Variants in NYAP2 observed in about 807,000 individuals in gnomAD.
NYAP2 encodes neuronal tyrosine-phosphorylated phosphoinositide-3-kinase adapter 2.
NYAP2 carries 23 observed loss-of-function variants against 50.4 expected under a neutral mutation model. The observed-to-expected ratio is 0.46, with a 90% confidence interval of 0.33 to 0.65. The LOEUF is 0.65. Among genes scored for constraint, NYAP2 ranks in the 30% least tolerant of loss-of-function variants. The probability of loss-of-function intolerance (pLI) is 0.02; values close to 1 mark genes in which losing one functional copy is unlikely to be tolerated. For missense variants in NYAP2, 885 were observed against 861.0 expected, an observed-to-expected ratio of 1.03 and a Z score of -0.35; for synonymous variants, 394 against 365.2, an observed-to-expected ratio of 1.08 and a Z score of -0.90.
At chr2:225,662,836 CA>C in the NYAP2 span, among the ~76,000 whole-genome samples, 1 of 152,182 alleles carries the variant, frequency 6.6e-6, no homozygotes, top group Non-Finnish European at 1.5e-5. Flanking sequence ...GGAAGGAACA[CA>C]ATCTGTACTG....
chr2:225,570,116 G>C (rs1026529154), intron 4 of NYAP2, among the ~76,000 whole-genome samples: 5 of 152,180 alleles, frequency 3.3e-5, no homozygotes, highest in East Asian at 3.9e-4. Context: ...TACTGCCCTG[G>C]AATGCAAATA....
intron 2 of NYAP2, among the ~76,000 whole-genome samples, chr2:225,404,711 A>T (rs1228636519): frequency 6.6e-6 from 1 of 152,012 alleles, no homozygotes; most frequent in East Asian, 1.9e-4. Context: ...AAAAAATAAA[A>T]TAAAGCTGAA....
At chr2:225,525,124 CTG>C (rs1407988741) in intron 4 of NYAP2, among the ~76,000 whole-genome samples, 1 of 152,154 alleles carries the variant, frequency 6.6e-6, no homozygotes, top group East Asian at 1.9e-4. Context: ...ACATTATACA[CTG>C]TCAGTTGGAA....
chr2:225,690,067 CAG>C, the NYAP2 span, among the ~76,000 whole-genome samples: 2 of 152,070 alleles, frequency 1.3e-5, no homozygotes, highest in African/African-American at 4.8e-5. Flanking sequence ...AATTATAGTG[CAG>C]AGTCATGTTC....
At chr2:225,399,830 G>T (rs1197120350) in exon 1 of NYAP2, 1 of 152,054 alleles carries the variant, frequency 6.6e-6, no homozygotes, top group Non-Finnish European at 1.5e-5. Context: ...CATTAGCCAC[G>T]CCAGGGGTGA....
At chr2:225,419,748 A>G (rs555373533) in intron 3 of NYAP2, among the ~76,000 whole-genome samples, 9 of 152,214 alleles carry the variant, frequency 5.9e-5, no homozygotes, top group African/African-American at 2.2e-4. Context: ...CACCATTTTT[A>G]CCTTCATCTT....
At chr2:225,674,483 C>T in the NYAP2 span, among the ~76,000 whole-genome samples, 1 of 152,010 alleles carries the variant, frequency 6.6e-6, no homozygotes, top group Admixed American at 6.6e-5. Context: ...CCCGCTGGGA[C>T]TTTGACTTGT....
intron 5 of NYAP2, among the ~76,000 whole-genome samples, chr2:225,620,059 A>G (rs1693062707): frequency 6.6e-6 from 1 of 152,190 alleles, no homozygotes; most frequent in Admixed American, 6.5e-5. Context: ...AAAATAACTC[A>G]GATTCCACAT....
chr2:225,564,295 C>A (rs1446626834), intron 4 of NYAP2, among the ~76,000 whole-genome samples: 1 of 151,526 alleles, frequency 6.6e-6, no homozygotes, highest in Non-Finnish European at 1.5e-5. Flanking sequence ...AAAAAAAGAG[C>A]AAAACTGATT....
intron 6 of NYAP2, among the ~76,000 whole-genome samples, chr2:225,648,808 A>T (rs1405204520): frequency 6.6e-5 from 10 of 152,176 alleles, no homozygotes. Flanking sequence ...AAAAAGGAGC[A>T]TGGGAAGGGG....
At chr2:225,574,476 A>C (rs13390948) in intron 4 of NYAP2, among the ~76,000 whole-genome samples, 28,920 of 151,914 alleles carry the variant, frequency 0.19, 3,196 homozygotes, top group African/African-American at 0.31. Context: ...TCTTGAATCT[A>C]CTCTCCAAAT....
chr2:225,521,182 A>G (rs1265867843), intron 4 of NYAP2, among the ~76,000 whole-genome samples: 1 of 151,508 alleles, frequency 6.6e-6, no homozygotes, highest in Non-Finnish European at 1.5e-5. Context: ...GGCTGAGACA[A>G]TGAGGTTTTC....
At chr2:225,427,464 G>A (rs987147342) in intron 3 of NYAP2, among the ~76,000 whole-genome samples, 15 of 152,272 alleles carry the variant, frequency 9.9e-5, no homozygotes, top group Non-Finnish European at 1.5e-4. Context: ...ATTGCTGGAC[G>A]GGTCACTGCT....
chr2:225,691,675 G>A, the NYAP2 span, among the ~76,000 whole-genome samples: 4 of 152,058 alleles, frequency 2.6e-5, no homozygotes, highest in Admixed American at 2.0e-4. Context: ...CCTAAAGACA[G>A]GACAAGCACA....
At chr2:225,661,670 C>T in the NYAP2 span, among the ~76,000 whole-genome samples, 1 of 151,990 alleles carries the variant, frequency 6.6e-6, no homozygotes, top group Admixed American at 6.6e-5. Context: ...ATCTATCAAA[C>T]CCCTGCTTTA....
At chr2:225,476,495 C>G (rs187088860) in intron 3 of NYAP2, among the ~76,000 whole-genome samples, 4 of 152,114 alleles carry the variant, frequency 2.6e-5, no homozygotes, top group Admixed American at 2.6e-4. Context: ...ATGCCTTTAC[C>G]CAGCAATGTG....
At position 225,422,063 on chromosome 2, in the gene NYAP2, T is replaced by C. The variant is rs1029432950; in HGVS notation, c.221+12962T>C. On this transcript the variant is annotated intron_variant, in intron 3 of 6. Coordinates refer to ENST00000636099, the Ensembl canonical transcript of NYAP2. ...CCTGTCTTTTATAATCCATTTCAAT[T>C]CCAATATTTCTTTTCTTTTATTTTG... is the stretch of plus-strand genomic sequence containing the variant. Among the ~76,000 whole-genome samples the C allele has an allele frequency of 2.6e-5, 4 of 152,206 alleles. No homozygotes were observed. In the East Asian group the frequency reaches 7.7e-4, roughly 29 times the overall value.
chr2:225,604,577 T>C (rs867391525), intron 5 of NYAP2, among the ~76,000 whole-genome samples: 4 of 152,160 alleles, frequency 2.6e-5, no homozygotes, highest in African/African-American at 9.6e-5. Context: ...TATTTAAATA[T>C]ATTTCTATGT....
At chr2:225,661,348 G>C in the NYAP2 span, among the ~76,000 whole-genome samples, 1 of 152,300 alleles carries the variant, frequency 6.6e-6, no homozygotes, top group South Asian at 2.1e-4. Flanking sequence ...CTAGCACCCA[G>C]CTCACCTGCT....
Sources: gnomAD v4.1 joint callset for allele counts (sites outside exome capture counted in the v4.1 genomes callset) on GRCh38, gnomAD v4.1.1 for gene constraint, MANE v1.5 for transcripts, NCBI Gene and HGNC (gene_info 2026-07-23, HGNC 2026-07-21) for gene names.